Variants in NRG1 observed in about 807,000 individuals in gnomAD.
NRG1 encodes pro-neuregulin-1, membrane-bound isoform.
NRG1 carries 18 observed loss-of-function variants against 63.8 expected under a neutral mutation model. The ratio of observed to expected loss-of-function variants is 0.28; its 90% CI spans 0.19 to 0.42. The LOEUF is 0.42. Among genes scored for constraint, NRG1 ranks in the 10% least tolerant of loss-of-function variants. The probability of loss-of-function intolerance (pLI) is 1.00; values close to 1 mark genes in which losing one functional copy is unlikely to be tolerated. For synonymous variants in NRG1, 302 were observed against 301.3 expected, an observed-to-expected ratio of 1.00 and a Z score of -0.02; for missense variants, 762 against 814.7, an observed-to-expected ratio of 0.94 and a Z score of 0.79.
At chr8:31,793,440 A>T (rs1209604335) in intron 1 of NRG1, among the ~76,000 whole-genome samples, 3 of 152,350 alleles carry the variant, frequency 2.0e-5, no homozygotes, top group East Asian at 1.9e-4. Flanking sequence ...TAAAGTGAGT[A>T]CCCCAAACTG....
chr8:32,127,483 A>G (rs1234436826), intron 1 of NRG1, among the ~76,000 whole-genome samples: 7 of 150,992 alleles, frequency 4.6e-5, no homozygotes, highest in Non-Finnish European at 1.0e-4. Context: ...TCCTTAATCC[A>G]TTTTTGAACC....
At chr8:32,691,005 C>T (rs1380134230) in intron 5 of NRG1, among the ~76,000 whole-genome samples, 1 of 150,552 alleles carries the variant, frequency 6.6e-6, no homozygotes, top group Non-Finnish European at 1.5e-5. Context: ...TCCTAACTCC[C>T]CCAAGAAAAG....
At chr8:32,163,536 G>A (rs537530343) in intron 1 of NRG1, among the ~76,000 whole-genome samples, 2 of 152,308 alleles carry the variant, frequency 1.3e-5, no homozygotes, top group South Asian at 2.1e-4. Flanking sequence ...AGAGTCAGGC[G>A]CAAACATGGT....
At chr8:32,685,925 T>C (rs1259999205) in intron 5 of NRG1, among the ~76,000 whole-genome samples, 2 of 152,232 alleles carry the variant, frequency 1.3e-5, no homozygotes, top group African/African-American at 2.4e-5. Flanking sequence ...TGATGCTACT[T>C]TCAAACATAT....
At chr8:31,829,323 A>G (rs74640802) in intron 1 of NRG1, among the ~76,000 whole-genome samples, 21,565 of 152,166 alleles carry the variant, frequency 0.14, 1,982 homozygotes, top group Non-Finnish European at 0.19. Context: ...CATTTCCCCT[A>G]ATACATTGCT....
intron 1 of NRG1, among the ~76,000 whole-genome samples, chr8:31,792,684 G>A (rs913450936): frequency 1.8e-4 from 28 of 152,076 alleles, no homozygotes; most frequent in African/African-American, 6.8e-4. Context: ...GTCTCTCTAT[G>A]GTCTCTGGAC....
At chr8:31,711,997 G>C (rs1811805825) in intron 1 of NRG1, among the ~76,000 whole-genome samples, 1 of 151,982 alleles carries the variant, frequency 6.6e-6, no homozygotes, top group African/African-American at 2.4e-5. Flanking sequence ...ATTTTAGAGG[G>C]ACATAAATAG....
chr8:31,851,611 A>C (rs1434821810), intron 1 of NRG1, among the ~76,000 whole-genome samples: 1 of 151,738 alleles, frequency 6.6e-6, no homozygotes, highest in Non-Finnish European at 1.5e-5. Context: ...TAATTAATTA[A>C]TTTATTATTA....
At chr8:32,476,885 T>C (rs1212543450) in intron 1 of NRG1, among the ~76,000 whole-genome samples, 1 of 152,172 alleles carries the variant, frequency 6.6e-6, no homozygotes, top group Non-Finnish European at 1.5e-5. Context: ...CAGCCTTTCA[T>C]GGTGCACTAA....
intron 1 of NRG1, among the ~76,000 whole-genome samples, chr8:31,813,218 A>G (rs80236254): frequency 2.0e-5 from 3 of 152,348 alleles, no homozygotes; most frequent in East Asian, 3.9e-4. Context: ...ATAAGTGATT[A>G]CATATTACCT....
At chr8:32,089,200 A>G (rs1341057723) in intron 1 of NRG1, among the ~76,000 whole-genome samples, 1 of 152,192 alleles carries the variant, frequency 6.6e-6, no homozygotes, top group Non-Finnish European at 1.5e-5. Flanking sequence ...TTCATACTCC[A>G]CAGCAACAGA....
At chr8:31,897,614 C>T (rs1355066920) in intron 1 of NRG1, among the ~76,000 whole-genome samples, 2 of 152,136 alleles carry the variant, frequency 1.3e-5, no homozygotes, top group Non-Finnish European at 2.9e-5. Context: ...GCTTCTTCTG[C>T]ATAATGGGAA....
At chr8:32,305,938 A>G (rs1197865302) in intron 1 of NRG1, among the ~76,000 whole-genome samples, 3 of 152,206 alleles carry the variant, frequency 2.0e-5, no homozygotes, top group Non-Finnish European at 4.4e-5. Context: ...ATATTTGGCA[A>G]ATTATTTTAC....
chr8:32,582,092 T>TTTTATTTTATTTTATTTTATTTTATTTTA (rs1563700389), intron 1 of NRG1, among the ~76,000 whole-genome samples: 4 of 151,472 alleles, frequency 2.6e-5, no homozygotes, highest in Admixed American at 2.0e-4. Context: ...TTTTATTTTA[T>TTTTATTTTATTTTATTTTATTTTATTTTA]TTTGTTTTGT....
At chr8:32,415,029 G>A (rs1232088610) in intron 1 of NRG1, among the ~76,000 whole-genome samples, 1 of 152,068 alleles carries the variant, frequency 6.6e-6, no homozygotes, top group African/African-American at 2.4e-5. Context: ...TTAATTAGTG[G>A]CATTGTGAGG....
intron 1 of NRG1, among the ~76,000 whole-genome samples, chr8:32,152,405 C>T (rs1418376332): frequency 6.6e-6 from 1 of 152,124 alleles, no homozygotes; most frequent in Non-Finnish European, 1.5e-5. Flanking sequence ...AGACACTAAA[C>T]ATACTTGAAA....
chr8:32,394,799 C>A (rs1234699276), intron 1 of NRG1, among the ~76,000 whole-genome samples: 1 of 152,126 alleles, frequency 6.6e-6, no homozygotes, highest in African/African-American at 2.4e-5. Flanking sequence ...TTTGGCAAAT[C>A]CTTCAACAAA....
intron 6 of NRG1, among the ~76,000 whole-genome samples, chr8:32,732,910 C>T (rs112717584): frequency 1.4e-5 from 2 of 144,674 alleles, no homozygotes; most frequent in African/African-American, 2.6e-5. Context: ...CAGGTTCAAG[C>T]GATTCTCCTG....
In NRG1 at chr8:32,172,871, A is replaced by G. The variant is rs1840233286; in HGVS notation, c.38-422957A>G. ...GACCAAATCTACATCTGATTGGTGT[A>G]ACTGAAAGTGATGGGGAGAATGGAA... On this transcript the variant is annotated intron_variant, in intron 1 of 10. Transcript: ENST00000519301. Among the ~76,000 whole-genome samples the G allele has an allele frequency of 2.0e-5, 3 of 152,354 alleles. No individual in the cohort carries two copies. In the South Asian group the frequency reaches 6.2e-4, roughly 32 times the overall value.
Sources: gnomAD v4.1 joint callset for allele counts (sites outside exome capture counted in the v4.1 genomes callset) on GRCh38, gnomAD v4.1.1 for gene constraint, MANE v1.5 for transcripts, NCBI Gene and HGNC (gene_info 2026-07-23, HGNC 2026-07-21) for gene names.